CSNK1G1: variants seen among roughly 807,000 people sequenced by gnomAD.
The protein encoded by CSNK1G1 is casein kinase 1 gamma 1.
In CSNK1G1, 22 loss-of-function variants were observed where a neutral mutation model predicts 59.6. The observed-to-expected ratio is 0.37, with a 90% confidence interval of 0.26 to 0.53. The LOEUF (loss-of-function observed/expected upper bound fraction) is 0.53. Ranked by LOEUF, CSNK1G1 falls within the 20% of genes least tolerant of loss-of-function variation. The pLI is 0.89. For missense variants in CSNK1G1, 384 were observed against 519.5 expected (o/e 0.74, Z 2.54); for synonymous variants, 179 against 177.1 (o/e 1.01, Z -0.08).
chr15:64,187,700 G>C (rs998937561), intron 10 of CSNK1G1, among the ~76,000 whole-genome samples: 2 of 152,190 alleles, frequency 1.3e-5, no homozygotes, highest in African/African-American at 4.8e-5. Flanking sequence ...TGAGTTCACT[G>C]TGTGTCCCAA....
At chr15:64,180,769 T>G (rs552115122) in intron 10 of CSNK1G1, among the ~76,000 whole-genome samples, 2 of 152,252 alleles carry the variant, frequency 1.3e-5, no homozygotes, top group Non-Finnish European at 2.9e-5. Flanking sequence ...CACTAACAAA[T>G]GACTTAACCA....
chr15:64,281,172 C>T (rs1305602327), intron 2 of CSNK1G1, among the ~76,000 whole-genome samples: 1 of 152,184 alleles, frequency 6.6e-6, no homozygotes, highest in East Asian at 1.9e-4. Flanking sequence ...CGCCACCATG[C>T]CGGGCCAAAG....
At chr15:64,348,100 T>C (rs1045401571) in intron 1 of CSNK1G1, among the ~76,000 whole-genome samples, 1 of 151,550 alleles carries the variant, frequency 6.6e-6, no homozygotes, top group Admixed American at 6.6e-5. Flanking sequence ...ATTCTAACTA[T>C]ATGACATTTT....
chr15:64,212,040 G>A (rs1454639068), intron 6 of CSNK1G1, among the ~76,000 whole-genome samples: 1 of 152,192 alleles, frequency 6.6e-6, no homozygotes, highest in African/African-American at 2.4e-5. Flanking sequence ...GGGATGCTGA[G>A]CACTATGCAA....
chr15:64,355,910 C>G (rs1898647284), intron 1 of CSNK1G1, 78 bp downstream of exon 1: 1 of 151,942 alleles, frequency 6.6e-6, no homozygotes, highest in African/African-American at 2.4e-5. Flanking sequence ...AGGAAAGGGC[C>G]CCCCACCAAC....
intron 4 of CSNK1G1, among the ~76,000 whole-genome samples, chr15:64,229,558 T>C (rs77231060): frequency 0.043 from 6,510 of 151,760 alleles, 155 homozygotes; most frequent in South Asian, 0.078. Context: ...CTCTCCCTGA[T>C]CGCTAAACTG....
rs1247540335 is a variant in CSNK1G1, at chr15:64,169,259, G to A, written c.*2672C>T. 1.3e-5 allele frequency: 2 copies of A among 150,868 alleles called. No individual in the cohort carries two copies. Among genetic ancestry groups the A allele is most frequent in the African/African-American group, 2.5e-5 (1 of 40,690 alleles). 9.3% of individuals were successfully genotyped at this position (150,868 alleles called of 1,614,324 possible). The stretch of plus-strand genomic sequence containing the variant: ...TTTTTTTTTTTTCTTTTTAGACAGA[G>A]TCTCACTCTGTTGCCCAGGCTGGAG... On this transcript the variant is annotated 3_prime_UTR_variant, in exon 12 of 12. Coordinates refer to ENST00000303052, the MANE Select transcript of CSNK1G1 (RefSeq NM_022048.5).
At chr15:64,185,526 C>G (rs1392870221) in intron 10 of CSNK1G1, among the ~76,000 whole-genome samples, 2 of 152,008 alleles carry the variant, frequency 1.3e-5, no homozygotes, top group African/African-American at 4.8e-5. Flanking sequence ...TTGCATGTTT[C>G]AAAAGAGTTG....
At chr15:64,284,747 A>G (rs1183863367) in intron 2 of CSNK1G1, among the ~76,000 whole-genome samples, 1 of 152,056 alleles carries the variant, frequency 6.6e-6, no homozygotes, top group Non-Finnish European at 1.5e-5. Context: ...TGGCTAAGAT[A>G]TTTTTAATTT....
At chr15:64,221,089 C>A (rs1175916969) in intron 4 of CSNK1G1, among the ~76,000 whole-genome samples, 1 of 152,142 alleles carries the variant, frequency 6.6e-6, no homozygotes, top group East Asian at 1.9e-4. Flanking sequence ...CTTGACTGAG[C>A]TACTTGTATT....
At chr15:64,186,495 TTTTTGTTTTG>T (rs111659966) in intron 10 of CSNK1G1, among the ~76,000 whole-genome samples, 19 of 152,010 alleles carry the variant, frequency 1.2e-4, no homozygotes, top group East Asian at 3.9e-4. Context: ...AAAATTGAGT[TTTTTGTTTTG>T]TTTTGTTTTG....
intron 10 of CSNK1G1, chr15:64,189,193 C>A (rs535917813): frequency 4.2e-6 from 1 of 238,404 alleles, no homozygotes; most frequent in Non-Finnish European, 7.0e-6. Flanking sequence ...TAGCTAACAG[C>A]GTCTAGACTG....
chr15:64,238,518 A>AAATAT (rs1555396879), intron 4 of CSNK1G1, among the ~76,000 whole-genome samples: 17 of 49,246 alleles, frequency 3.5e-4, no homozygotes, highest in African/African-American at 5.9e-4. Flanking sequence ...AAAAAAAAAA[A>AAATAT]ATATATATAT....
At chr15:64,189,766 A>C (rs1028359801) in intron 10 of CSNK1G1, among the ~76,000 whole-genome samples, 3 of 152,118 alleles carry the variant, frequency 2.0e-5, no homozygotes, top group African/African-American at 7.2e-5. Context: ...AAGTCACCAA[A>C]AAGGCATTTC....
chr15:64,274,547 G>C (rs145062021), intron 2 of CSNK1G1, among the ~76,000 whole-genome samples: 2 of 152,098 alleles, frequency 1.3e-5, no homozygotes, highest in African/African-American at 4.8e-5. Flanking sequence ...AATCCACAAC[G>C]CTTCCCAAGC....
intron 2 of CSNK1G1, among the ~76,000 whole-genome samples, chr15:64,299,098 C>T (rs1895179251): frequency 6.6e-6 from 1 of 152,002 alleles, no homozygotes; most frequent in African/African-American, 2.4e-5. Context: ...CCCACCCTCC[C>T]ACCACTCCCC....
chr15:64,204,881 G>A lies in CSNK1G1; in HGVS notation c.834C>T (p.Leu278=), dbSNP rs2082156616. 1 of 1,609,896 alleles carries A rather than the reference G, an allele frequency of 6.2e-7. No individual in the cohort carries two copies. The highest frequency in any genetic ancestry group is 1.3e-5 in the African/African-American group (1 of 74,800). Residue 278 remains leucine, a synonymous_variant, in exon 8 of 12, where the codon CTC becomes CTT. Transcript: ENST00000303052. The part of the protein sequence containing the change: ...DTKRNTPIEA[L]CENFPEEMAT... ...GCATCCCACCTGGAAAGTTCTCACA[G>A]AGAGCTTCAATGGGAGTATTCCTTT... is the stretch of plus-strand genomic sequence containing the variant.
In CSNK1G1 at chr15:64,166,076, T is replaced by C. The variant is rs1488947259; in HGVS notation, c.*5855A>G. ...CAGTGCCAGGGTTTATGAAACATTATACATCTAAAAAAAAAAAAAGTAAAA... is the reference window on the plus strand; with the variant it reads ...CAGTGCCAGGGTTTATGAAACATTACACATCTAAAAAAAAAAAAAGTAAAA... On this transcript the variant is annotated 3_prime_UTR_variant, in exon 12 of 12. Transcript: ENST00000303052. The surrounding 1 kb of genome is among the most constrained non-coding windows in gnomAD (Gnocchi z 4.5). 4 of 617,926 alleles carry C rather than the reference T, an allele frequency of 6.5e-6. No individual in the cohort carries two copies. Among genetic ancestry groups the C allele is most frequent in the Non-Finnish European group, 1.1e-5 (4 of 351,934 alleles). The allele number at this position is 617,926 out of a possible 1,614,324, so 38.3% of individuals were successfully genotyped here. A position where few individuals can be genotyped will look rare whatever the true frequency, so the allele number is the denominator to read the frequency against.
In CSNK1G1 at chr15:64,168,149, A is replaced by G. The variant is rs2081624035; in HGVS notation, c.*3782T>C. On this transcript the variant is annotated 3_prime_UTR_variant, in exon 12 of 12. Transcript: ENST00000303052. ...AAAGAGACAATCAACATGTCTAGAA[A>G]CCTCAGGATCTCTGCTGTCATCTGT... is the stretch of plus-strand genomic sequence containing the variant. 6.6e-6 allele frequency: 1 copy of G among 152,626 alleles called. No homozygotes were observed. The highest frequency in any genetic ancestry group is 1.5e-5 in the Non-Finnish European group (1 of 68,046). 9.5% of individuals were successfully genotyped at this position (152,626 alleles called of 1,614,324 possible). A position where few individuals can be genotyped will look rare whatever the true frequency, so the allele number is the denominator to read the frequency against.
Sources: allele counts gnomAD v4.1 joint callset (sites outside exome capture counted in the v4.1 genomes callset), GRCh38; gene constraint gnomAD v4.1.1; non-coding constraint Gnocchi (gnomAD v3.1); transcripts MANE v1.5; gene names NCBI Gene and HGNC (gene_info 2026-07-23, HGNC 2026-07-21).